The following PRAMEF2 variants were observed in gnomAD, a reference collection of about 807,000 sequenced individuals.
The protein encoded by PRAMEF2 is PRAME family member 2.
A neutral mutation model predicts 38.0 loss-of-function variants in PRAMEF2; 35 were observed. The ratio of observed to expected loss-of-function variants is 0.92; its 90% CI spans 0.70 to 1.22. The LOEUF (loss-of-function observed/expected upper bound fraction) is 1.22, where lower values mean the gene tolerates loss of function less well. Among genes scored for constraint, PRAMEF2 ranks in the 50% most tolerant of loss-of-function variants. The pLI is 0.00. For synonymous variants in PRAMEF2, 240 were observed against 232.4 expected (o/e 1.03, Z -0.30); for missense variants, 562 against 553.9 (o/e 1.01, Z -0.15).
intron 1 of PRAMEF2, among the ~76,000 whole-genome samples, chr1:12,857,960 A>G (rs1424065856): frequency 6.9e-6 from 1 of 145,816 alleles, no homozygotes; most frequent in Non-Finnish European, 1.5e-5. Flanking sequence ...CAGACTCCCA[A>G]AGTGCTGGGA....
At chr1:12,860,354 G>A (rs1640527646) in intron 3 of PRAMEF2, 83 bp downstream of exon 3, 1 of 1,567,952 alleles carries the variant, frequency 6.4e-7, no homozygotes, top group Non-Finnish European at 8.7e-7. Context: ...CGTGTACTGT[G>A]TGCCAGCCAG....
chr1:12,861,877 C>T lies in PRAMEF2; in HGVS notation c.*98C>T. The T allele has an allele frequency of 1.4e-6, 2 of 1,469,538 alleles. No individual in the cohort carries two copies. Among genetic ancestry groups the T allele is most frequent in the Non-Finnish European group, 1.8e-6 (2 of 1,104,424 alleles). The allele number at this position is 1,469,538 out of a possible 1,614,324, so 91.0% of individuals were successfully genotyped here. A position where few individuals can be genotyped will look rare whatever the true frequency, so the allele number is the denominator to read the frequency against. ...TAGGTGCAAACTATTTTTCTCTTTT[C>T]TTATTTATTTCATTTTTTAATAATT... On this transcript the variant is annotated 3_prime_UTR_variant, in exon 4 of 4. Coordinates refer to ENST00000240189, the MANE Select transcript of PRAMEF2 (RefSeq NM_023014.1).
chr1:12,860,474 C>A (rs1640529641), intron 3 of PRAMEF2, among the ~76,000 whole-genome samples: 3 of 150,008 alleles, frequency 2.0e-5, no homozygotes, highest in Non-Finnish European at 4.4e-5. Flanking sequence ...GCAGAGGGGT[C>A]ACCTGGGGTA....
intron 2 of PRAMEF2, 77 bp from the exon 3 acceptor site, chr1:12,859,616 T>A (rs1167792377): frequency 1.3e-5 from 20 of 1,587,964 alleles, no homozygotes; most frequent in Admixed American, 1.8e-5. Context: ...AGCAGCTGAT[T>A]TATGGGATGA....
Sources: allele counts gnomAD v4.1 joint callset (sites outside exome capture counted in the v4.1 genomes callset), GRCh38; gene constraint gnomAD v4.1.1; transcripts MANE v1.5; gene names NCBI Gene and HGNC (gene_info 2026-07-23, HGNC 2026-07-21).